CCNG2: variants seen among roughly 807,000 people sequenced by gnomAD.
The protein encoded by CCNG2 is cyclin G2.
Under a neutral mutation model 36.5 loss-of-function variants are expected in CCNG2, and 20 were observed. The observed-to-expected ratio is 0.55, with a 90% CI of 0.39 to 0.80. The LOEUF is 0.80. CCNG2 is among the 30% of genes least tolerant of loss of function. CCNG2 has a pLI of 0.00. For synonymous variants in CCNG2, 155 were observed against 140.1 expected, an observed-to-expected ratio of 1.11 and a Z score of -0.75; for missense variants, 358 against 390.8, an observed-to-expected ratio of 0.92 and a Z score of 0.71.
intron 3 of CCNG2, among the ~76,000 whole-genome samples, chr4:77,160,167 T>G (rs1375510759): frequency 2.0e-5 from 3 of 146,476 alleles, no homozygotes; most frequent in Non-Finnish European, 4.5e-5. Context: ...AAGATAAGTA[T>G]AAAATATTTT....
chr4:77,163,266 T>C (rs1731535866), intron 6 of CCNG2, among the ~76,000 whole-genome samples: 1 of 152,056 alleles, frequency 6.6e-6, no homozygotes, highest in South Asian at 2.1e-4. Flanking sequence ...TGAAGAAAGG[T>C]ACATCCCCAC....
Position 77,164,452 on chromosome 4 carries a change from A to AG in CCNG2, c.890dup (p.Cys298LeufsTer3), listed in dbSNP as rs745928364. On this transcript the variant is annotated frameshift_variant, in exon 7 of 8. Coordinates refer to ENST00000316355, the MANE Select transcript of CCNG2 (RefSeq NM_004354.3). LOFTEE classifies it high-confidence loss of function. ...GTTCCTGAGCTGCCAACGATACCTGAGGGGGGTTGTTTTGATGAAAGTGAA... is the reference window on the plus strand; with the variant it reads ...GTTCCTGAGCTGCCAACGATACCTGAGGGGGGGTTGTTTTGATGAAAGTGAA... 1.9e-6 allele frequency: 3 copies of AG among 1,613,810 alleles called. No individual in the cohort carries two copies. Among genetic ancestry groups the AG allele is most frequent in the Admixed American group, 1.7e-5 (1 of 59,982 alleles).
rs759555063 is a variant in CCNG2, at chr4:77,161,706, G to C, written c.664G>C (p.Glu222Gln). 2.5e-6 allele frequency: 4 copies of C among 1,609,938 alleles called. No homozygotes were observed. Among genetic ancestry groups the C allele is most frequent in the Non-Finnish European group, 2.5e-6 (3 of 1,178,400 alleles). Residue 222 changes from glutamate to glutamine, a missense_variant, in exon 6 of 8, where the codon GAA becomes CAA. Transcript: ENST00000316355. ...GGAAGTGGAAACTTTGAAATCTGTTGAATTACTGGAAATTCTCTTGCTAGT... is the reference window on the plus strand; with the variant it reads ...GGAAGTGGAAACTTTGAAATCTGTTCAATTACTGGAAATTCTCTTGCTAGT... ...NLEVETLKSV[E>Q]LLEILLLVKK...
chr4:77,164,174 C>T (rs1731560723), intron 6 of CCNG2, 100 bp from the exon 7 acceptor site: 1 of 765,188 alleles, frequency 1.3e-6, no homozygotes, highest in Non-Finnish European at 2.1e-6. Context: ...GGGAGCCAGG[C>T]ATCTATATAT....
At position 77,164,547 on chromosome 4, in the gene CCNG2, C is replaced by CTG. The variant is rs557155337; in HGVS notation, c.911+69_911+70dup. 1,150 of 1,167,630 alleles carry CTG rather than the reference C, an allele frequency of 9.8e-4. 9 individuals are homozygous for CTG. The African/African-American group carries it at 0.016, about 16-fold the overall frequency. 72.3% of individuals were successfully genotyped at this position (1,167,630 alleles called of 1,614,324 possible). On this transcript the variant is annotated intron_variant, in intron 7 of 7. Coordinates refer to ENST00000316355, the MANE Select transcript of CCNG2 (RefSeq NM_004354.3). ...ATTACTGAGTTTATTATACTCAGAA[C>CTG]TGGAATAGTGTAAGACATCAGAGAA... is the stretch of plus-strand genomic sequence containing the variant.
chr4:77,164,219 G>T (rs1300901462), intron 6 of CCNG2, 55 bp from the exon 7 acceptor site: 38 of 1,338,126 alleles, frequency 2.8e-5, no homozygotes, highest in African/African-American at 4.3e-5. Context: ...TGATTCCAAG[G>T]TGCAGCAAGA....
At chr4:77,159,013 G>A (rs1731351086) in intron 2 of CCNG2, among the ~76,000 whole-genome samples, 1 of 152,188 alleles carries the variant, frequency 6.6e-6, no homozygotes, top group African/African-American at 2.4e-5. Flanking sequence ...ATTTATAGTA[G>A]AATCTTAAAT....
chr4:77,165,988 T>TA lies in CCNG2; in HGVS notation c.*65dup. ...TCAAAGCAATAAATGGGGGAATAGG[T>TA]AGTTTCCTGGTTTAGCCCCCATCTA... On this transcript the variant is annotated 3_prime_UTR_variant, in exon 8 of 8. Transcript: ENST00000316355. 5 of 1,491,612 alleles carry TA rather than the reference T, an allele frequency of 3.4e-6. No individual in the cohort carries two copies. In the South Asian group the frequency reaches 6.5e-5, roughly 19 times the overall value. 92.4% of individuals were successfully genotyped at this position (1,491,612 alleles called of 1,614,324 possible).
intron 2 of CCNG2, 105 bp downstream of exon 2, chr4:77,158,775 A>C: frequency 8.3e-7 from 1 of 1,210,340 alleles, no homozygotes; most frequent in South Asian, 1.4e-5. Context: ...AAATTTCTTA[A>C]AAGTTGTTCT....
Position 77,166,006 on chromosome 4 carries a change from C to T in CCNG2, c.*82C>T. ...GAATAGGTAGTTTCCTGGTTTAGCCCCCATCTAGTCAGGAATTAATATACT... is the reference window on the plus strand; with the variant it reads ...GAATAGGTAGTTTCCTGGTTTAGCCTCCATCTAGTCAGGAATTAATATACT... On this transcript the variant is annotated 3_prime_UTR_variant, in exon 8 of 8. Coordinates refer to ENST00000316355, the MANE Select transcript of CCNG2 (RefSeq NM_004354.3). 1 of 1,347,094 alleles carries T rather than the reference C, an allele frequency of 7.4e-7. No homozygotes were observed. Among genetic ancestry groups the T allele is most frequent in the Non-Finnish European group, 1.0e-6 (1 of 992,240 alleles). The allele number at this position is 1,347,094 out of a possible 1,614,324, so 83.4% of individuals were successfully genotyped here.
At position 77,166,488 on chromosome 4, in the gene CCNG2, A is replaced by G. The variant is rs1731637595; in HGVS notation, c.*564A>G. 1.3e-5 allele frequency: 2 copies of G among 152,208 alleles called. No homozygotes were observed. Among genetic ancestry groups the G allele is most frequent in the African/African-American group, 2.4e-5 (1 of 41,450 alleles). The allele number at this position is 152,208 out of a possible 1,614,324, so 9.4% of individuals were successfully genotyped here. A position where few individuals can be genotyped will look rare whatever the true frequency, so the allele number is the denominator to read the frequency against. On this transcript the variant is annotated 3_prime_UTR_variant, in exon 8 of 8. Transcript: ENST00000316355. ...ATCTTATAAATTTGGGAATTATAAT[A>G]TTGACATTTCTGTGATTTTTATATA...
chr4:77,160,844 A>G lies in CCNG2; in HGVS notation c.400A>G (p.Thr134Ala). ...DVIRISQCKCTASDIKRMEKI... is the reference protein window; with the variant it reads ...DVIRISQCKCAASDIKRMEKI... ...GATCCGGATTAGTCAGTGTAAATGT[A>G]CTGCTTCTGACATAAAACGGATGGA... Residue 134 changes from threonine (T) to alanine (A), a missense_variant, in exon 4 of 8, where the codon ACT becomes GCT. Coordinates refer to ENST00000316355, the MANE Select transcript of CCNG2 (RefSeq NM_004354.3). The G allele has an allele frequency of 6.2e-7, 1 of 1,614,068 alleles. No homozygotes were observed. The highest frequency in any genetic ancestry group is 8.5e-7 in the Non-Finnish European group (1 of 1,180,006).
At chr4:77,157,616 C>T (rs547986438) in intron 1 of CCNG2, 110 bp downstream of exon 1, 1 of 152,718 alleles carries the variant, frequency 6.5e-6, no homozygotes, top group Non-Finnish European at 1.5e-5. Context: ...TGCTCCTCAT[C>T]CGCTGGAGCG....
chr4:77,164,116 G>T (rs1731557952), intron 6 of CCNG2, among the ~76,000 whole-genome samples, 158 bp from the exon 7 acceptor site: 1 of 152,124 alleles, frequency 6.6e-6, no homozygotes, highest in Non-Finnish European at 1.5e-5. Flanking sequence ...TGCCCATGTT[G>T]CACTCATTGT....
At chr4:77,161,196 G>A (rs1325974364) in intron 4 of CCNG2, among the ~76,000 whole-genome samples, 1 of 144,908 alleles carries the variant, frequency 6.9e-6, no homozygotes, top group Admixed American at 7.3e-5. Flanking sequence ...TCCACTTCCC[G>A]GGTTCAAGCG....
intron 6 of CCNG2, among the ~76,000 whole-genome samples, chr4:77,163,261 A>C (rs1731535660): frequency 6.6e-6 from 1 of 152,126 alleles, no homozygotes; most frequent in African/African-American, 2.4e-5. Context: ...CCAAGTGAAG[A>C]AAGGTACATC....
At chr4:77,160,538 G>GGGA (rs2109916966) in intron 3 of CCNG2, among the ~76,000 whole-genome samples, 183 bp from the exon 4 acceptor site, 1 of 149,556 alleles carries the variant, frequency 6.7e-6, no homozygotes, top group South Asian at 2.1e-4. Flanking sequence ...TTTTGGGGGG[G>GGGA]GGGGGAGGTC....
At chr4:77,162,999 T>A (rs1039331956) in intron 6 of CCNG2, among the ~76,000 whole-genome samples, 1 of 152,058 alleles carries the variant, frequency 6.6e-6, no homozygotes, top group Non-Finnish European at 1.5e-5. Context: ...TTAGCATAAT[T>A]GGCAGGAAAT....
At chr4:77,159,211 A>G (rs923207437) in intron 2 of CCNG2, among the ~76,000 whole-genome samples, 156 bp from the exon 3 acceptor site, 27 of 152,214 alleles carry the variant, frequency 1.8e-4, no homozygotes, top group African/African-American at 6.0e-4. Context: ...AGCTTTAGTT[A>G]AGCGATACCA....
Sources: allele counts gnomAD v4.1 joint callset (sites outside exome capture counted in the v4.1 genomes callset), GRCh38; gene constraint gnomAD v4.1.1; transcripts MANE v1.5; gene names NCBI Gene and HGNC (gene_info 2026-07-23, HGNC 2026-07-21).